Variants in USP49 observed in about 807,000 individuals in gnomAD.
USP49 encodes ubiquitin specific peptidase 49, also known as ubiquitin carboxyl-terminal hydrolase 49.
Under a neutral mutation model 58.6 loss-of-function variants are expected in USP49, and 24 were observed. The observed-to-expected ratio is 0.41, with a 90% CI of 0.30 to 0.58. USP49 has a LOEUF of 0.58. Ranked by LOEUF, USP49 falls within the 20% of genes least tolerant of loss-of-function variation. The probability of loss-of-function intolerance (pLI) is 0.30; values close to 1 mark genes in which losing one functional copy is unlikely to be tolerated. For synonymous variants in USP49, 408 were observed against 365.1 expected (o/e 1.12, Z -1.34); for missense variants, 703 against 866.1 (o/e 0.81, Z 2.36).
intron 3 of USP49, among the ~76,000 whole-genome samples, chr6:41,846,555 G>A (rs1310540895): frequency 6.6e-6 from 1 of 152,188 alleles, no homozygotes; most frequent in Non-Finnish European, 1.5e-5. Context: ...TATGAGCAAA[G>A]TCAAGAGAGC....
intron 3 of USP49, among the ~76,000 whole-genome samples, chr6:41,850,609 C>CTT (rs1392306401): frequency 1.4e-5 from 2 of 141,282 alleles, no homozygotes; most frequent in African/African-American, 2.6e-5. Context: ...TGGATAAATT[C>CTT]TTTTTTTTTT....
intron 3 of USP49, among the ~76,000 whole-genome samples, chr6:41,823,859 A>T (rs1773492305): frequency 6.6e-6 from 1 of 151,824 alleles, no homozygotes; most frequent in African/African-American, 2.4e-5. Flanking sequence ...GGAGAGAGAG[A>T]GTGTGTGTGA....
In USP49 at chr6:41,803,442, T is replaced by TAC. The variant is rs1773055187; in HGVS notation, c.1561+362_1561+363dup. Among the ~76,000 whole-genome samples the TAC allele has an allele frequency of 6.6e-6, 1 of 152,202 alleles. No homozygotes were observed. Among genetic ancestry groups the TAC allele is most frequent in the Admixed American group, 6.5e-5 (1 of 15,280 alleles). ...CCTCAGCCTCCCGAGTAGCTGGGAT[T>TAC]ACAGGCATCTGCCACTATGCCCAGC... On this transcript the variant is annotated intron_variant, in intron 5 of 7. Coordinates refer to ENST00000682992, the MANE Select transcript of USP49 (RefSeq NM_001286554.2). This position sits in a 1 kb window ranked among gnomAD's most constrained non-coding sequence, Gnocchi z 4.1.
intron 2 of USP49, among the ~76,000 whole-genome samples, chr6:41,879,282 G>A (rs1053455646): frequency 6.6e-6 from 1 of 152,160 alleles, no homozygotes. Context: ...AGGCTGGAGT[G>A]CAGTGGCGCA....
intron 2 of USP49, chr6:41,887,397 C>T (rs2127365858): frequency 6.6e-6 from 1 of 152,346 alleles, no homozygotes; most frequent in South Asian, 2.1e-4. Flanking sequence ...TGAAGACCAG[C>T]TTCCTGGGCT....
In USP49 at chr6:41,863,690, C is replaced by T. The variant is rs115522854; in HGVS notation, c.-29+7874G>A. On this transcript the variant is annotated intron_variant, in intron 3 of 7. Transcript: ENST00000682992. ...ATAATGTATGTGATAGTGCCTAGCA[C>T]GTGATAGTGCCTAGCATATAGAAGG... Among the ~76,000 whole-genome samples, 1,489 of 152,166 alleles carry T rather than the reference C, an allele frequency of 9.8e-3. 27 individuals carry two copies. Among genetic ancestry groups the T allele is most frequent in the African/African-American group, 0.034 (1,422 of 41,494 alleles).
At chr6:41,894,075 G>C (rs1210882063) in intron 1 of USP49, 1 of 147,148 alleles carries the variant, frequency 6.8e-6, no homozygotes, top group Non-Finnish European at 1.5e-5. Context: ...GTCTACCCCA[G>C]TTCTACATCC....
intron 3 of USP49, among the ~76,000 whole-genome samples, chr6:41,840,074 A>C (rs1773796630): frequency 6.6e-6 from 1 of 152,114 alleles, no homozygotes; most frequent in South Asian, 2.1e-4. Flanking sequence ...ATTGATTATT[A>C]ACATTTAAAA....
In USP49 at chr6:41,803,967, G is replaced by A. The variant is rs762498622; in HGVS notation, c.1400C>T (p.Pro467Leu). The change falls in exon 5 of 8, where the codon CCC becomes CTC. Residue 467 changes from proline to leucine, a missense_variant. By Grantham distance (98) the Pro-to-Leu change is moderately conservative. This residue lies in a region of USP49 where 158 missense variants were observed against 241.2 expected (regional missense o/e 0.66). Coordinates refer to ENST00000682992, the MANE Select transcript of USP49 (RefSeq NM_001286554.2). This position sits in a 1 kb window ranked among gnomAD's most constrained non-coding sequence, Gnocchi z 4.1. ...GAATTCCAGGGATAGGTCCCAAAAG[G>A]GCTCAATGGTATTGGATTTGTAATT... ...SCNYKSNTIE[P>L]FWDLSLEFPE... is the part of the protein sequence containing the mutation. 1 of 1,614,092 alleles carries A rather than the reference G, an allele frequency of 6.2e-7. No homozygotes were observed. The highest frequency in any genetic ancestry group is 8.5e-7 in the Non-Finnish European group (1 of 1,180,012).
At chr6:41,895,004 C>A (rs1032194889) in intron 1 of USP49, among the ~76,000 whole-genome samples, 1 of 149,856 alleles carries the variant, frequency 6.7e-6, no homozygotes, top group Non-Finnish European at 1.5e-5. Flanking sequence ...CCGCGCGCCC[C>A]GACTCCCGGC....
intron 3 of USP49, among the ~76,000 whole-genome samples, chr6:41,815,799 G>T (rs1773339209): frequency 6.6e-6 from 1 of 152,218 alleles, no homozygotes; most frequent in Non-Finnish European, 1.5e-5. Flanking sequence ...CTTGTGAGGT[G>T]TGCTATCACT....
At chr6:41,802,133 T>G (rs1375785343) in intron 5 of USP49, among the ~76,000 whole-genome samples, 1 of 152,008 alleles carries the variant, frequency 6.6e-6, no homozygotes, top group Non-Finnish European at 1.5e-5. Context: ...GTATAAAATT[T>G]CAAATTTTGT....
rs140818773 is a variant in USP49 at position 41,883,728 on chromosome 6, A to C, written c.-103+8066T>G. ...ATACCAAGTGTTGGGAGGGGCGGTT[A>C]TAGGAACACAATGCTTATGGGTATA... On this transcript the variant is annotated intron_variant, in intron 2 of 7. Transcript: ENST00000682992. Among the ~76,000 whole-genome samples the C allele has an allele frequency of 6.7e-3, 1,027 of 152,286 alleles. 12 individuals are homozygous for C. Among genetic ancestry groups the C allele is most frequent in the African/African-American group, 0.023 (966 of 41,564 alleles).
intron 2 of USP49, among the ~76,000 whole-genome samples, chr6:41,877,427 A>T (rs1774521087): frequency 6.6e-6 from 1 of 152,214 alleles, no homozygotes; most frequent in Admixed American, 6.5e-5. Context: ...ATGGAATGGC[A>T]ATCTAGACTG....
chr6:41,841,654 A>G (rs1370948536), intron 3 of USP49, among the ~76,000 whole-genome samples: 1 of 152,182 alleles, frequency 6.6e-6, no homozygotes, highest in Non-Finnish European at 1.5e-5. Context: ...TGTTACTTGT[A>G]TCATCTTAGG....
At chr6:41,833,765 G>A (rs897659509) in intron 3 of USP49, among the ~76,000 whole-genome samples, 1 of 152,184 alleles carries the variant, frequency 6.6e-6, no homozygotes, top group South Asian at 2.1e-4. Flanking sequence ...CAAGATTTCT[G>A]GACCCTAGAA....
At chr6:41,829,971 T>C (rs1421020801) in intron 3 of USP49, among the ~76,000 whole-genome samples, 1 of 152,246 alleles carries the variant, frequency 6.6e-6, no homozygotes, top group African/African-American at 2.4e-5. Flanking sequence ...TGTTGGATGA[T>C]ATCAGTGATG....
intron 5 of USP49, among the ~76,000 whole-genome samples, chr6:41,800,148 T>C: frequency 6.6e-6 from 1 of 152,170 alleles, no homozygotes; most frequent in East Asian, 1.9e-4. Context: ...CTGGCTAAGA[T>C]GAAAGGAATG....
chr6:41,803,709 T>C lies in USP49; in HGVS notation c.1561+97A>G. On this transcript the variant is annotated intron_variant, in intron 5 of 7. Coordinates refer to ENST00000682992, the MANE Select transcript of USP49 (RefSeq NM_001286554.2). This position sits in a 1 kb window ranked among gnomAD's most constrained non-coding sequence, Gnocchi z 4.1. ...GATGCTTTAGAACCATTCAATATCATTAGTGTTACTTTTGACTAAAGAGGA... is the reference window on the plus strand; with the variant it reads ...GATGCTTTAGAACCATTCAATATCACTAGTGTTACTTTTGACTAAAGAGGA... 1 of 1,276,946 alleles carries C rather than the reference T, an allele frequency of 7.8e-7. No homozygotes were observed. Among genetic ancestry groups the C allele is most frequent in the East Asian group, 2.3e-5 (1 of 43,034 alleles). The allele number at this position is 1,276,946 out of a possible 1,614,324, so 79.1% of individuals were successfully genotyped here.
Sources: gnomAD v4.1 joint callset for allele counts (sites outside exome capture counted in the v4.1 genomes callset) on GRCh38, gnomAD v4.1.1 for gene constraint, gnomAD v4.1.1 regional missense constraint, Gnocchi (gnomAD v3.1) non-coding constraint, MANE v1.5 for transcripts, NCBI Gene and HGNC (gene_info 2026-07-23, HGNC 2026-07-21) for gene names.